Variants in PRMT3 observed in about 807,000 individuals in gnomAD.
PRMT3 encodes the protein protein arginine N-methyltransferase 3.
A neutral mutation model predicts 71.9 loss-of-function variants in PRMT3; 62 were observed. That is an observed-to-expected ratio of 0.86 (90% confidence interval 0.70 to 1.07). The LOEUF is 1.07. PRMT3 is among the 50% of genes least tolerant of loss of function. The pLI is 0.00. For synonymous variants in PRMT3, 213 were observed against 220.4 expected (o/e 0.97, Z 0.30); for missense variants, 663 against 643.0 (o/e 1.03, Z -0.34).
chr11:20,400,494 G>T (rs1174055655), intron 7 of PRMT3, among the ~76,000 whole-genome samples: 2 of 152,032 alleles, frequency 1.3e-5, no homozygotes, highest in African/African-American at 4.8e-5. Context: ...AAATGCATCG[G>T]TCTTCTTTGT....
chr11:20,476,543 G>A (rs988163751), intron 13 of PRMT3, among the ~76,000 whole-genome samples: 1 of 152,122 alleles, frequency 6.6e-6, no homozygotes, highest in African/African-American at 2.4e-5. Context: ...CATTCCATGA[G>A]GAAGTGAAAA....
At chr11:20,392,709 G>C (rs1054005317) in intron 4 of PRMT3, among the ~76,000 whole-genome samples, 188 bp from the exon 5 acceptor site, 1 of 149,764 alleles carries the variant, frequency 6.7e-6, no homozygotes, top group Non-Finnish European at 1.5e-5. Flanking sequence ...AAAACTCTGC[G>C]TTGAAACTGC....
intron 15 of PRMT3, among the ~76,000 whole-genome samples, chr11:20,506,930 C>T (rs1480165709): frequency 1.3e-5 from 2 of 152,116 alleles, no homozygotes; most frequent in African/African-American, 4.8e-5. Context: ...AGGAAATCAG[C>T]CTTTGCACAG....
rs11025573 is a variant in PRMT3, at chr11:20,464,480, G to A, written c.1281G>A (p.Thr427=). 1.3e-3 allele frequency: 2,154 copies of A among 1,609,214 alleles called. 36 individuals carry two copies. In the East Asian group the frequency reaches 0.036, roughly 27 times the overall value. Residue 427 remains threonine (T), a synonymous_variant, in exon 13 of 16, where the codon ACG becomes ACA. Coordinates refer to ENST00000331079, the MANE Select transcript of PRMT3 (RefSeq NM_005788.4). ...GGTAGCATATAGATTGCCATACGACGTCTATCTCAGATTTGGAATTTTCAT... is the reference window on the plus strand; with the variant it reads ...GGTAGCATATAGATTGCCATACGACATCTATCTCAGATTTGGAATTTTCAT... ...CGIKHIDCHT[T]SISDLEFSSD...
chr11:20,393,119 G>C (rs184595347), intron 5 of PRMT3, 120 bp downstream of exon 5: 2 of 686,424 alleles, frequency 2.9e-6, no homozygotes, highest in East Asian at 5.2e-5. Flanking sequence ...TGCTTCATCA[G>C]GTAGTTAGTT....
At chr11:20,487,128 A>G (rs1302445553) in intron 13 of PRMT3, among the ~76,000 whole-genome samples, 1 of 152,162 alleles carries the variant, frequency 6.6e-6, no homozygotes, top group Non-Finnish European at 1.5e-5. Flanking sequence ...AAAAGAAGAG[A>G]AAGAATTTGC....
rs371738073 is a variant in PRMT3 at position 20,452,206 on chromosome 11, C to T, written c.1070C>T (p.Ser357Leu). The T allele has an allele frequency of 3.8e-6, 6 of 1,596,968 alleles. No individual in the cohort carries two copies. In the African/African-American group the frequency reaches 5.4e-5, roughly 14 times the overall value. ...AACAAATACTTGGCAAAAGGAGGCT[C>T]GGGTGAGTATAAAATTCTGGTTTTA... ...AKNKYLAKGG[S>L]VYPDICTISL... The change falls in exon 11 of 16, where the codon TCG (serine) becomes TTG (leucine). Residue 357 changes from serine (S) to leucine (L), a missense_variant and splice_region_variant. Transcript: ENST00000331079.
intron 6 of PRMT3, 89 bp from the exon 7 acceptor site, chr11:20,397,488 C>T (rs1848851022): frequency 7.5e-7 from 1 of 1,335,694 alleles, no homozygotes; most frequent in Admixed American, 1.9e-5. Flanking sequence ...ACTGTACTCC[C>T]TCCCCTTTCC....
chr11:20,415,094 C>T (rs192054519), intron 9 of PRMT3, among the ~76,000 whole-genome samples: 1 of 149,904 alleles, frequency 6.7e-6, no homozygotes, highest in African/African-American at 2.5e-5. Flanking sequence ...AGCAAAAATT[C>T]TTGACATAAG....
chr11:20,410,017 A>G (rs1849161242), intron 9 of PRMT3, among the ~76,000 whole-genome samples: 1 of 152,148 alleles, frequency 6.6e-6, no homozygotes, highest in Non-Finnish European at 1.5e-5. Flanking sequence ...GTTTTTTACG[A>G]TAAAATGGGA....
intron 6 of PRMT3, 95 bp downstream of exon 6, chr11:20,396,057 G>A: frequency 1.8e-6 from 2 of 1,133,438 alleles, no homozygotes; most frequent in Admixed American, 2.4e-5. Flanking sequence ...TTCATATACT[G>A]GAAAGTACAA....
At chr11:20,449,094 GT>G (rs2133383379) in intron 10 of PRMT3, among the ~76,000 whole-genome samples, 1 of 152,222 alleles carries the variant, frequency 6.6e-6, no homozygotes, top group South Asian at 2.1e-4. Flanking sequence ...GTAAAATGAA[GT>G]TTAGCAAAGT....
rs181815077 is a variant in PRMT3, at chr11:20,389,624, T to A, written c.165-120T>A. The A allele has an allele frequency of 4.1e-3, 2,447 of 591,618 alleles. 8 individuals are homozygous for A. Among genetic ancestry groups the A allele is most frequent in the Non-Finnish European group, 5.0e-3 (1,775 of 354,024 alleles). The allele number at this position is 591,618 out of a possible 1,614,324, so 36.6% of individuals were successfully genotyped here. A position where few individuals can be genotyped will look rare whatever the true frequency, so the allele number is the denominator to read the frequency against. ...TACAAGTGTGTTTGTTTTTTCTTAA[T>A]TGGAAGTAAAACTAGAAACCAGCAG... On this transcript the variant is annotated intron_variant, in intron 2 of 15. Coordinates refer to ENST00000331079, the MANE Select transcript of PRMT3 (RefSeq NM_005788.4).
At position 20,508,439 on chromosome 11, in the gene PRMT3, G is replaced by C. The variant is rs753589736; in HGVS notation, c.*26G>C. On this transcript the variant is annotated 3_prime_UTR_variant, in exon 16 of 16. Transcript: ENST00000331079. ...AACAGCCATAAAAGCACACTACCTT[G>C]TAGTTTTTAATGTGGGGGTAGAGTG... 4.6e-6 allele frequency: 7 copies of C among 1,522,072 alleles called. No individual in the cohort carries two copies. In the African/African-American group the frequency reaches 9.6e-5, roughly 21 times the overall value. 94.3% of individuals were successfully genotyped at this position (1,522,072 alleles called of 1,614,324 possible).
At chr11:20,504,157 G>A (rs542487544) in intron 15 of PRMT3, among the ~76,000 whole-genome samples, 34 of 152,234 alleles carry the variant, frequency 2.2e-4, no homozygotes, top group African/African-American at 7.9e-4. Flanking sequence ...TTCAAATTGG[G>A]TGGTCATCTA....
At chr11:20,468,582 T>C (rs1022047511) in intron 13 of PRMT3, among the ~76,000 whole-genome samples, 1 of 152,192 alleles carries the variant, frequency 6.6e-6, no homozygotes, top group Non-Finnish European at 1.5e-5. Flanking sequence ...TTGGCTGTGC[T>C]GGTCTCAAAC....
At chr11:20,392,484 G>C (rs985501449) in intron 4 of PRMT3, among the ~76,000 whole-genome samples, 1 of 152,020 alleles carries the variant, frequency 6.6e-6, no homozygotes, top group Admixed American at 6.5e-5. Context: ...GAGATGAATC[G>C]GTGTATGTGA....
chr11:20,460,587 C>T (rs1467379797), intron 11 of PRMT3, among the ~76,000 whole-genome samples: 1 of 152,064 alleles, frequency 6.6e-6, no homozygotes, highest in African/African-American at 2.4e-5. Flanking sequence ...CATTTATATG[C>T]CTATGGTCTC....
At chr11:20,458,045 T>G (rs911085386) in intron 11 of PRMT3, among the ~76,000 whole-genome samples, 1 of 152,232 alleles carries the variant, frequency 6.6e-6, no homozygotes, top group Non-Finnish European at 1.5e-5. Flanking sequence ...ACCTTTATTA[T>G]ATAAACTAGA....
Sources: allele counts gnomAD v4.1 joint callset (sites outside exome capture counted in the v4.1 genomes callset), GRCh38; gene constraint gnomAD v4.1.1; transcripts MANE v1.5; gene names NCBI Gene and HGNC (gene_info 2026-07-23, HGNC 2026-07-21).